PRRX1: variants seen among roughly 807,000 people sequenced by gnomAD.
PRRX1 encodes paired related homeobox 1.
A neutral mutation model predicts 24.0 loss-of-function variants in PRRX1; 8 were observed. That is an observed-to-expected ratio of 0.33 (90% CI 0.20 to 0.60). The LOEUF is 0.60. PRRX1 is among the 20% of genes least tolerant of loss of function. The pLI is 0.82. For missense variants in PRRX1, 281 were observed against 322.4 expected (o/e 0.87, Z 0.98); for synonymous variants, 160 against 131.7 (o/e 1.22, Z -1.47).
At chr1:170,720,034 G>A (rs1655030900) in intron 2 of PRRX1, 133 bp downstream of exon 2, 6 of 1,214,992 alleles carry the variant, frequency 4.9e-6, no homozygotes, top group Non-Finnish European at 7.1e-6. Context: ...TTGGGAGGTT[G>A]AGGCAGGCAC....
intron 1 of PRRX1, among the ~76,000 whole-genome samples, chr1:170,673,640 C>G (rs1243187082): frequency 1.3e-5 from 2 of 152,220 alleles, no homozygotes; most frequent in Admixed American, 6.5e-5. Context: ...TTGAATATCA[C>G]AAACGTGCTT....
intron 3 of PRRX1, among the ~76,000 whole-genome samples, chr1:170,730,931 A>G (rs1371181668): frequency 6.6e-6 from 1 of 152,216 alleles, no homozygotes; most frequent in Admixed American, 6.5e-5. Context: ...AAGAGGCTTT[A>G]TATATAAAAG....
chr1:170,722,406 C>A (rs555849948), intron 2 of PRRX1, among the ~76,000 whole-genome samples: 342 of 152,184 alleles, frequency 2.2e-3, no homozygotes, highest in African/African-American at 7.9e-3. Context: ...TTATCAAGCA[C>A]ATATTATACT....
At chr1:170,697,894 A>G (rs980883167) in intron 1 of PRRX1, among the ~76,000 whole-genome samples, 2 of 150,004 alleles carry the variant, frequency 1.3e-5, no homozygotes, top group African/African-American at 4.9e-5. Context: ...AGATCTATAT[A>G]TAAATCACTG....
chr1:170,710,442 C>T lies in PRRX1; in HGVS notation c.242-9284C>T, dbSNP rs116293554. On this transcript the variant is annotated intron_variant, in intron 1 of 3. Transcript: ENST00000239461. ...CTCCCCTGAATTAGAATCAAAGTCT[C>T]CTTATTTCCAATCCAAAGCCATTTC... Among the ~76,000 whole-genome samples the T allele has an allele frequency of 1.2e-3, 188 of 152,260 alleles. 1 individual carries two copies. Among genetic ancestry groups the T allele is most frequent in the Middle Eastern group, 3.4e-3 (1 of 294 alleles).
At chr1:170,730,161 G>A (rs1655383519) in intron 3 of PRRX1, 4 of 898,896 alleles carry the variant, frequency 4.4e-6, no homozygotes, top group Non-Finnish European at 7.6e-6. Flanking sequence ...AGCTATCCTT[G>A]TCCACAGCTT....
At chr1:170,731,630 AT>A (rs143066219) in intron 3 of PRRX1, among the ~76,000 whole-genome samples, 5,756 of 151,600 alleles carry the variant, frequency 0.038, 361 homozygotes, top group African/African-American at 0.13. Context: ...ATTTTAACAC[AT>A]TTTTTTTTCC....
Position 170,671,133 on chromosome 1 carries a change from ACTC to A in PRRX1, c.241+6677_241+6679del, listed in dbSNP as rs1299989817. On this transcript the variant is annotated intron_variant, in intron 1 of 3. Coordinates refer to ENST00000239461, the MANE Select transcript of PRRX1 (RefSeq NM_022716.4). ...ATGAGAAAGGGCAAGGGCAGGCTCT[ACTC>A]CTATTTTGTTTACTTTCACCGAGTT... Among the ~76,000 whole-genome samples, 6 of 151,968 alleles carry A rather than the reference ACTC, an allele frequency of 3.9e-5. 1 individual carries two copies. In the South Asian group the frequency reaches 1.2e-3, roughly 32 times the overall value.
intron 1 of PRRX1, among the ~76,000 whole-genome samples, chr1:170,675,359 G>T (rs1653284356): frequency 6.6e-6 from 1 of 152,140 alleles, no homozygotes; most frequent in African/African-American, 2.4e-5. Flanking sequence ...ATTTTTACAT[G>T]ATTTGGTGAG....
chr1:170,667,578 C>CA (rs1652986389), intron 1 of PRRX1: 1 of 151,984 alleles, frequency 6.6e-6, no homozygotes. Flanking sequence ...CTCCAGCCTG[C>CA]AGTGACAATG....
intron 1 of PRRX1, among the ~76,000 whole-genome samples, chr1:170,689,559 C>G (rs997160973): frequency 2.0e-5 from 3 of 152,096 alleles, no homozygotes; most frequent in Admixed American, 6.6e-5. Flanking sequence ...TGTGTTTAAT[C>G]TTTATATGCC....
At chr1:170,685,668 C>CT (rs753627919) in intron 1 of PRRX1, among the ~76,000 whole-genome samples, 6 of 120,872 alleles carry the variant, frequency 5.0e-5, no homozygotes, top group South Asian at 2.5e-4. Context: ...TTCTTTCTTT[C>CT]TTTTTTTTTA....
intron 1 of PRRX1, among the ~76,000 whole-genome samples, chr1:170,709,598 A>G (rs1654680478): frequency 6.6e-6 from 1 of 151,574 alleles, no homozygotes; most frequent in Admixed American, 6.6e-5. Context: ...TTCTACTATT[A>G]CTTTACTTGT....
At chr1:170,674,025 T>C (rs1260738835) in intron 1 of PRRX1, among the ~76,000 whole-genome samples, 1 of 152,242 alleles carries the variant, frequency 6.6e-6, no homozygotes, top group Non-Finnish European at 1.5e-5. Flanking sequence ...AATGCTAGTG[T>C]ATTTTTCTAC....
intron 1 of PRRX1, among the ~76,000 whole-genome samples, chr1:170,702,013 G>T (rs963814251): frequency 2.6e-5 from 4 of 152,100 alleles, no homozygotes; most frequent in African/African-American, 9.7e-5. Context: ...GGGAAGGCGG[G>T]GGGAGGGGGC....
At chr1:170,665,379 C>G (rs566448511) in intron 1 of PRRX1, among the ~76,000 whole-genome samples, 1 of 152,218 alleles carries the variant, frequency 6.6e-6, no homozygotes, top group African/African-American at 2.4e-5. Context: ...GCAATTGTAT[C>G]CCCATGCCCC....
intron 1 of PRRX1, among the ~76,000 whole-genome samples, chr1:170,665,692 G>C (rs559799076): frequency 1.3e-5 from 2 of 152,218 alleles, no homozygotes; most frequent in East Asian, 3.9e-4. Context: ...AACAGGGTCC[G>C]GGCACAGTGG....
intron 1 of PRRX1, among the ~76,000 whole-genome samples, chr1:170,695,414 T>C (rs1654135547): frequency 6.6e-6 from 1 of 152,172 alleles, no homozygotes; most frequent in Admixed American, 6.5e-5. Flanking sequence ...GTTTTTCTCT[T>C]TTTACCAAAA....
chr1:170,666,726 TG>T (rs1652947033), intron 1 of PRRX1, among the ~76,000 whole-genome samples: 1 of 152,074 alleles, frequency 6.6e-6, no homozygotes, highest in African/African-American at 2.4e-5. Flanking sequence ...CCAGCCGTGG[TG>T]GCCCTCAGAT....
Sources: gnomAD v4.1 joint callset for allele counts (sites outside exome capture counted in the v4.1 genomes callset) on GRCh38, gnomAD v4.1.1 for gene constraint, MANE v1.5 for transcripts, NCBI Gene and HGNC (gene_info 2026-07-23, HGNC 2026-07-21) for gene names.